MEF2C: variants seen among roughly 807,000 people sequenced by gnomAD.
MEF2C encodes myocyte enhancer factor 2C, also known as myocyte-specific enhancer factor 2C.
A neutral mutation model predicts 50.5 loss-of-function variants in MEF2C; 6 were observed. That is an observed-to-expected ratio of 0.12 (90% confidence interval 0.07 to 0.23). The LOEUF is 0.23. MEF2C is among the 10% of genes least tolerant of loss of function. The pLI is 1.00. For missense variants in MEF2C, 276 were observed against 605.0 expected, an observed-to-expected ratio of 0.46 and a Z score of 5.70; for synonymous variants, 183 against 228.0, an observed-to-expected ratio of 0.80 and a Z score of 1.78.
chr5:88,837,304 T>C (rs1815549757), intron 1 of MEF2C, among the ~76,000 whole-genome samples: 1 of 152,186 alleles, frequency 6.6e-6, no homozygotes, highest in Non-Finnish European at 1.5e-5. Context: ...GGAAAACTTT[T>C]TTTTTTCAGT....
At chr5:88,838,486 CA>C (rs1816046152) in intron 1 of MEF2C, 1 of 891,560 alleles carries the variant, frequency 1.1e-6, no homozygotes, top group Non-Finnish European at 1.3e-6. Flanking sequence ...AAAAGAAACC[CA>C]AAAGAATTGT....
intron 3 of MEF2C, among the ~76,000 whole-genome samples, chr5:88,765,336 A>C (rs1779589113): frequency 6.6e-6 from 1 of 152,236 alleles, no homozygotes; most frequent in Admixed American, 6.5e-5. Flanking sequence ...CTTGTATAAC[A>C]CATTTCTGCC....
intron 1 of MEF2C, among the ~76,000 whole-genome samples, chr5:88,896,299 C>T (rs1196369161): frequency 6.6e-6 from 1 of 152,182 alleles, no homozygotes; most frequent in Non-Finnish European, 1.5e-5. Flanking sequence ...GTCCCTTGTA[C>T]CATAGTGACT....
At chr5:88,820,059 T>TA (rs1249450771) in intron 2 of MEF2C, among the ~76,000 whole-genome samples, 1 of 138,542 alleles carries the variant, frequency 7.2e-6, no homozygotes, top group Non-Finnish European at 1.5e-5. Context: ...GACTTATTAA[T>TA]AAAAATTATT....
chr5:88,748,866 G>A, intron 6 of MEF2C: 2 of 984,772 alleles, frequency 2.0e-6, no homozygotes, highest in Non-Finnish European at 2.4e-6. Flanking sequence ...ATTAAGGAAG[G>A]TTCTAGTTAA....
intron 3 of MEF2C, among the ~76,000 whole-genome samples, chr5:88,804,194 T>C (rs999831839): frequency 1.3e-5 from 2 of 152,222 alleles, no homozygotes; most frequent in Non-Finnish European, 2.9e-5. Context: ...AATACGTTTT[T>C]TCTTTGATGA....
At chr5:88,833,313 A>G (rs779094968) in intron 1 of MEF2C, among the ~76,000 whole-genome samples, 18 of 152,176 alleles carry the variant, frequency 1.2e-4, no homozygotes, top group Admixed American at 2.6e-4. Flanking sequence ...CAGACACTGG[A>G]TGTTGAATTA....
intron 6 of MEF2C, chr5:88,736,874 T>C: frequency 1.0e-6 from 1 of 985,422 alleles, no homozygotes; most frequent in Non-Finnish European, 1.2e-6. Context: ...AGCAGTTCAA[T>C]AACTGGCAGT....
At chr5:88,797,915 G>A (rs188874140) in intron 3 of MEF2C, among the ~76,000 whole-genome samples, 123 of 152,244 alleles carry the variant, frequency 8.1e-4, no homozygotes, top group African/African-American at 2.0e-3. Flanking sequence ...GCTTAGTTTG[G>A]CTGGATATGA....
At chr5:88,899,801 G>T (rs1835461298) in intron 1 of MEF2C, among the ~76,000 whole-genome samples, 2 of 152,186 alleles carry the variant, frequency 1.3e-5, no homozygotes, top group South Asian at 2.1e-4. Context: ...GTTGATTAAT[G>T]ACTAATGTTG....
intron 6 of MEF2C, chr5:88,738,910 G>A: frequency 1.0e-6 from 1 of 985,068 alleles, no homozygotes; most frequent in Non-Finnish European, 1.2e-6. Context: ...GAAATACTGA[G>A]TTTAGCTACA....
chr5:88,898,200 A>G (rs568263764), intron 1 of MEF2C, among the ~76,000 whole-genome samples: 14 of 152,338 alleles, frequency 9.2e-5, no homozygotes, highest in African/African-American at 3.4e-4. Flanking sequence ...TCTTGATTCA[A>G]AATTGTAAAC....
At chr5:88,781,261 G>A (rs576663245) in intron 3 of MEF2C, among the ~76,000 whole-genome samples, 23 of 152,204 alleles carry the variant, frequency 1.5e-4, no homozygotes, top group South Asian at 1.0e-3. Flanking sequence ...CAAAGTATGC[G>A]TGTGTATATA....
chr5:88,772,661 A>C, intron 3 of MEF2C: 2 of 838,462 alleles, frequency 2.4e-6, no homozygotes, highest in Non-Finnish European at 2.9e-6. Context: ...CATTTATGGT[A>C]TCCTCAACTT....
intron 1 of MEF2C, among the ~76,000 whole-genome samples, chr5:88,862,943 G>A (rs755795097): frequency 2.0e-5 from 3 of 152,172 alleles, no homozygotes; most frequent in Non-Finnish European, 2.9e-5. Flanking sequence ...GAAGTTCTGG[G>A]CAAGGCCTGC....
chr5:88,812,581 A>G (rs1052301647), intron 2 of MEF2C, among the ~76,000 whole-genome samples: 1 of 151,450 alleles, frequency 6.6e-6, no homozygotes, highest in Non-Finnish European at 1.5e-5. Context: ...TATTTTTTAG[A>G]TAACAGTGTT....
intron 1 of MEF2C, chr5:88,824,409 TGGACG>T: frequency 1.1e-6 from 1 of 916,754 alleles, no homozygotes; most frequent in Non-Finnish European, 1.3e-6. Flanking sequence ...GCAAATAGGA[TGGACG>T]ATTATGAAAG....
intron 1 of MEF2C, among the ~76,000 whole-genome samples, chr5:88,878,574 A>C (rs1356063184): frequency 2.0e-5 from 3 of 151,940 alleles, no homozygotes; most frequent in African/African-American, 7.2e-5. Context: ...ACTTCCCTTT[A>C]TGTAGAATAA....
intron 1 of MEF2C, among the ~76,000 whole-genome samples, chr5:88,827,377 G>A (rs1031612763): frequency 6.6e-6 from 1 of 151,852 alleles, no homozygotes; most frequent in Non-Finnish European, 1.5e-5. Flanking sequence ...CAGCAACCAC[G>A]AACAATAAAA....
Sources: allele counts gnomAD v4.1 joint callset (sites outside exome capture counted in the v4.1 genomes callset), GRCh38; gene constraint gnomAD v4.1.1; transcripts MANE v1.5; gene names NCBI Gene and HGNC (gene_info 2026-07-23, HGNC 2026-07-21).